Variants in WDR72 observed in about 807,000 individuals in gnomAD.
WDR72 encodes WD repeat domain 72.
A neutral mutation model predicts 124.2 loss-of-function variants in WDR72; 120 were observed. The ratio of observed to expected loss-of-function variants is 0.97; its 90% CI spans 0.83 to 1.12. The LOEUF is 1.12. Among genes scored for constraint, WDR72 ranks in the 50% most tolerant of loss-of-function variants. WDR72 has a pLI of 0.00. For synonymous variants in WDR72, 452 were observed against 441.7 expected (o/e 1.02, Z -0.29); for missense variants, 1,387 against 1,278.8 (o/e 1.08, Z -1.29).
At chr15:53,679,114 CACAGAA>C (rs1228137730) in intron 13 of WDR72, among the ~76,000 whole-genome samples, 1 of 152,128 alleles carries the variant, frequency 6.6e-6, no homozygotes, top group African/African-American at 2.4e-5. Context: ...CAGGTAAATT[CACAGAA>C]ACAGAAAGTA....
chr15:53,673,192 T>G (rs1161065036), intron 13 of WDR72, among the ~76,000 whole-genome samples: 1 of 152,130 alleles, frequency 6.6e-6, no homozygotes, highest in Non-Finnish European at 1.5e-5. Context: ...TTTCCAAAAT[T>G]AACAAAAGTA....
intron 14 of WDR72, among the ~76,000 whole-genome samples, chr15:53,619,986 G>A (rs2013924368): frequency 6.6e-6 from 1 of 151,986 alleles, no homozygotes; most frequent in Admixed American, 6.6e-5. Context: ...TTGATAATGG[G>A]GGGAGTAAAT....
intron 18 of WDR72, among the ~76,000 whole-genome samples, chr15:53,574,094 C>T (rs1386765390): frequency 6.6e-6 from 1 of 152,138 alleles, no homozygotes; most frequent in Non-Finnish European, 1.5e-5. Flanking sequence ...TGATGTATGA[C>T]AGGGAATCTT....
chr15:53,624,498 C>T (rs928694769), intron 14 of WDR72, among the ~76,000 whole-genome samples: 10 of 152,294 alleles, frequency 6.6e-5, no homozygotes, highest in East Asian at 1.9e-4. Context: ...AGCAATGATT[C>T]GAGCAATATT....
intron 1 of WDR72, among the ~76,000 whole-genome samples, chr15:53,751,849 A>G (rs1032896815): frequency 6.6e-6 from 1 of 152,164 alleles, no homozygotes; most frequent in African/African-American, 2.4e-5. Flanking sequence ...TGGGAAGGTT[A>G]TTTTACAACT....
intron 18 of WDR72, among the ~76,000 whole-genome samples, chr15:53,572,503 T>C (rs1196141263): frequency 6.6e-6 from 1 of 152,096 alleles, no homozygotes; most frequent in Admixed American, 6.6e-5. Context: ...TAAAGGAAAA[T>C]ATTTGGGATC....
chr15:53,546,543 T>C (rs528198112), intron 18 of WDR72, among the ~76,000 whole-genome samples: 55 of 151,804 alleles, frequency 3.6e-4, no homozygotes, highest in Admixed American at 6.6e-4. Context: ...AGGGATAGCA[T>C]TGGGAGATAT....
At chr15:53,538,110 T>C (rs1595741436) in intron 18 of WDR72, among the ~76,000 whole-genome samples, 1 of 152,134 alleles carries the variant, frequency 6.6e-6, no homozygotes, top group African/African-American at 2.4e-5. Flanking sequence ...TTTTTGCTGA[T>C]AAATTAAATA....
At chr15:53,677,747 A>G (rs1419882327) in intron 13 of WDR72, among the ~76,000 whole-genome samples, 1 of 152,212 alleles carries the variant, frequency 6.6e-6, no homozygotes, top group African/African-American at 2.4e-5. Flanking sequence ...TAAATTACCC[A>G]GTCTCAGGTG....
chr15:53,639,830 C>T (rs1404115567), intron 14 of WDR72, among the ~76,000 whole-genome samples: 1 of 151,984 alleles, frequency 6.6e-6, no homozygotes, highest in Non-Finnish European at 1.5e-5. Flanking sequence ...ATAATCTGCC[C>T]TTCCAGTTGC....
chr15:53,634,567 G>T (rs1485116531), intron 14 of WDR72, among the ~76,000 whole-genome samples: 1 of 152,162 alleles, frequency 6.6e-6, no homozygotes, highest in Non-Finnish European at 1.5e-5. Context: ...ATTCAAAGCT[G>T]TCCTGGGCCG....
chr15:53,613,947 T>G (rs1346311634), intron 15 of WDR72, among the ~76,000 whole-genome samples, 190 bp from the exon 16 acceptor site: 1 of 48,800 alleles, frequency 2.0e-5, no homozygotes, highest in African/African-American at 8.0e-5. Flanking sequence ...ACCTAAAATC[T>G]TATTTATTTA....
At chr15:53,617,229 A>C (rs545728270) in intron 14 of WDR72, among the ~76,000 whole-genome samples, 1 of 151,988 alleles carries the variant, frequency 6.6e-6, no homozygotes, top group Non-Finnish European at 1.5e-5. Context: ...AAAATTTGAC[A>C]CATATCTCTA....
chr15:53,702,620 A>G (rs749914160), intron 11 of WDR72, among the ~76,000 whole-genome samples: 4 of 152,106 alleles, frequency 2.6e-5, no homozygotes, highest in Non-Finnish European at 5.9e-5. Flanking sequence ...TGCCTGTAAT[A>G]TCAGCAGTTT....
In WDR72 at chr15:53,735,615, G is replaced by T. The variant is rs529849354; in HGVS notation, c.-12-2454C>A. ...TACTTCAATAAAGTTGTTTAATGTT[G>T]TACTTAAGGCATTCTGAAAGACACT... On this transcript the variant is annotated intron_variant, in intron 1 of 19. Coordinates refer to ENST00000360509, the MANE Select transcript of WDR72 (RefSeq NM_182758.4). Among the ~76,000 whole-genome samples the T allele has an allele frequency of 5.1e-4, 77 of 151,696 alleles. 1 individual carries two copies. The highest frequency in any genetic ancestry group is 1.7e-3 in the African/African-American group (71 of 41,022).
rs1302959432 is a variant in WDR72, at chr15:53,722,803, C to T, written c.259G>A (p.Gly87Arg). 3 of 1,613,064 alleles carry T rather than the reference C, an allele frequency of 1.9e-6. No homozygotes were observed. Among genetic ancestry groups the T allele is most frequent in the Non-Finnish European group, 1.7e-6 (2 of 1,179,616 alleles). The change falls in exon 3 of 20, where the codon GGG (glycine) becomes AGG (arginine). Residue 87 changes from glycine to arginine, a missense_variant and splice_region_variant. Coordinates refer to ENST00000360509, the MANE Select transcript of WDR72 (RefSeq NM_182758.4). ...ACAAAGTTTACATACCATACCTACCCATTTTCAGCAGCACTAACAATGTAG... is the reference window on the plus strand; with the variant it reads ...ACAAAGTTTACATACCATACCTACCTATTTTCAGCAGCACTAACAATGTAG... ...QPYIVSAAEN[G>R]EMCVWNVTNG...
At chr15:53,643,928 GA>G (rs767021531) in intron 14 of WDR72, among the ~76,000 whole-genome samples, 1 of 152,010 alleles carries the variant, frequency 6.6e-6, no homozygotes, top group Admixed American at 6.6e-5. Context: ...TTTTATCCAT[GA>G]AAAATGTGTA....
At chr15:53,654,930 G>C (rs1191046072) in intron 14 of WDR72, among the ~76,000 whole-genome samples, 1 of 151,970 alleles carries the variant, frequency 6.6e-6, no homozygotes, top group Non-Finnish European at 1.5e-5. Flanking sequence ...ATAAAATAAA[G>C]ATACGCTTAA....
At chr15:53,738,168 A>T (rs1034539302) in intron 1 of WDR72, among the ~76,000 whole-genome samples, 1 of 152,182 alleles carries the variant, frequency 6.6e-6, no homozygotes. Flanking sequence ...AATTTGCCAA[A>T]TGTAGGTTTT....
Sources: gnomAD v4.1 joint callset for allele counts (sites outside exome capture counted in the v4.1 genomes callset) on GRCh38, gnomAD v4.1.1 for gene constraint, MANE v1.5 for transcripts, NCBI Gene and HGNC (gene_info 2026-07-23, HGNC 2026-07-21) for gene names.